GMPR: variants seen among roughly 807,000 people sequenced by gnomAD.
GMPR encodes guanosine monophosphate reductase, also known as GMP reductase 1.
In GMPR, 31 loss-of-function variants were observed where a neutral mutation model predicts 38.4. The ratio of observed to expected loss-of-function variants is 0.81; its 90% CI spans 0.61 to 1.09. GMPR has a LOEUF of 1.09. Among genes scored for constraint, GMPR ranks in the 50% least tolerant of loss-of-function variants. GMPR has a pLI of 0.00. For synonymous variants in GMPR, 162 were observed against 173.3 expected, an observed-to-expected ratio of 0.93 and a Z score of 0.51; for missense variants, 468 against 453.7, an observed-to-expected ratio of 1.03 and a Z score of -0.29.
intron 7 of GMPR, 170 bp from the exon 8 acceptor site, chr6:16,290,292 G>A (rs539099935): frequency 7.4e-6 from 5 of 675,162 alleles, no homozygotes; most frequent in South Asian, 7.1e-5. Flanking sequence ...CTGCATGGAA[G>A]CCTTCTCCCT....
chr6:16,271,362 T>C (rs1419845289), intron 4 of GMPR, among the ~76,000 whole-genome samples: 1 of 152,190 alleles, frequency 6.6e-6, no homozygotes, highest in African/African-American at 2.4e-5. Context: ...GGCACATACC[T>C]GTAATCCCAG....
chr6:16,269,821 A>C (rs577481955), intron 4 of GMPR, among the ~76,000 whole-genome samples: 7 of 152,252 alleles, frequency 4.6e-5, no homozygotes, highest in African/African-American at 1.7e-4. Flanking sequence ...AAATAATACA[A>C]ATCAGAAGTT....
intron 4 of GMPR, among the ~76,000 whole-genome samples, chr6:16,270,448 T>C (rs537968953): frequency 6.6e-6 from 1 of 152,234 alleles, no homozygotes; most frequent in East Asian, 1.9e-4. Flanking sequence ...ACACCCAAGG[T>C]GCTTCATGAC....
rs148965306 is a variant in GMPR, at chr6:16,265,767, A to C, written c.466-8648A>C. On this transcript the variant is annotated intron_variant, in intron 4 of 8. Transcript: ENST00000259727. ...GATGTGGGCGGGGCCAAATAAGGGA[A>C]TAAAAGCTGGCTGCTGGAGCCAGCC... Among the ~76,000 whole-genome samples the C allele has an allele frequency of 2.0e-3, 312 of 152,332 alleles. 1 individual carries two copies. Among genetic ancestry groups the C allele is most frequent in the Non-Finnish European group, 2.4e-3 (166 of 68,024 alleles).
At position 16,295,248 on chromosome 6, in the gene GMPR, C is replaced by T. The variant is rs1759914950; in HGVS notation, c.*62C>T. On this transcript the variant is annotated 3_prime_UTR_variant, in exon 9 of 9. Coordinates refer to ENST00000259727, the MANE Select transcript of GMPR (RefSeq NM_006877.4). ...CGTCCAAACCTGCTTTTCCCATCTCCCCCCAAGTCTGTTCCGTCAGAGCTT... is the reference window on the plus strand; with the variant it reads ...CGTCCAAACCTGCTTTTCCCATCTCTCCCCAAGTCTGTTCCGTCAGAGCTT... 7 of 1,253,294 alleles carry T rather than the reference C, an allele frequency of 5.6e-6. No individual in the cohort carries two copies. Among genetic ancestry groups the T allele is most frequent in the Non-Finnish European group, 7.5e-6 (7 of 929,670 alleles). 77.6% of individuals were successfully genotyped at this position (1,253,294 alleles called of 1,614,324 possible).
rs184443310 is a variant in GMPR at position 16,264,378 on chromosome 6, G to A, written c.465+9643G>A. ...TGGTGAGATGTTTCTTGGGCTGGTC[G>A]GTCCGAGGACCTGAGGTCGTAGGTG... On this transcript the variant is annotated intron_variant, in intron 4 of 8. Transcript: ENST00000259727. 3.3e-4 allele frequency: 84 copies of A among 254,100 alleles called. 1 individual carries two copies. The East Asian group carries it at 9.3e-3, about 28-fold the overall frequency. 15.7% of individuals were successfully genotyped at this position (254,100 alleles called of 1,614,324 possible).
chr6:16,267,834 T>A (rs1759293392), intron 4 of GMPR, among the ~76,000 whole-genome samples: 1 of 152,158 alleles, frequency 6.6e-6, no homozygotes. Flanking sequence ...TCTACTCCCC[T>A]GGGGCAATGC....
intron 6 of GMPR, among the ~76,000 whole-genome samples, chr6:16,282,578 C>T (rs1015708939): frequency 1.3e-5 from 2 of 152,156 alleles, no homozygotes; most frequent in Admixed American, 6.5e-5. Flanking sequence ...TCCACCGTCC[C>T]CGCCGTCTAC....
At chr6:16,250,570 T>G (rs1210991751) in intron 3 of GMPR, among the ~76,000 whole-genome samples, 1 of 152,234 alleles carries the variant, frequency 6.6e-6, no homozygotes, top group African/African-American at 2.4e-5. Context: ...GTAAGAAATG[T>G]CTGTTTTCCC....
At chr6:16,288,699 G>A (rs889749514) in intron 7 of GMPR, among the ~76,000 whole-genome samples, 1 of 152,202 alleles carries the variant, frequency 6.6e-6, no homozygotes. Context: ...GGATCCACTG[G>A]ATGAAGCCAG....
chr6:16,264,341 C>T (rs1344245134), intron 4 of GMPR: 4 of 243,198 alleles, frequency 1.6e-5, no homozygotes, highest in East Asian at 1.6e-4. Flanking sequence ...GGCCGCTTAC[C>T]GGATTTGAAA....
At chr6:16,266,244 A>G (rs1759218076) in intron 4 of GMPR, among the ~76,000 whole-genome samples, 1 of 151,954 alleles carries the variant, frequency 6.6e-6, no homozygotes, top group East Asian at 1.9e-4. Context: ...CACCACCTTT[A>G]AGAGCTGTAA....
At chr6:16,284,968 G>A (rs1420345884) in intron 6 of GMPR, among the ~76,000 whole-genome samples, 3 of 143,898 alleles carry the variant, frequency 2.1e-5, no homozygotes, top group Admixed American at 7.2e-5. Flanking sequence ...GCAGTGAGCC[G>A]AGATCACGCC....
intron 4 of GMPR, 97 bp from the exon 5 acceptor site, chr6:16,274,318 T>G: frequency 2.5e-6 from 2 of 803,412 alleles, no homozygotes; most frequent in Non-Finnish European, 4.3e-6. Flanking sequence ...CCTGGTGGCT[T>G]TAGGACATGC....
Position 16,290,580 on chromosome 6 carries a change from C to T in GMPR, c.816C>T (p.Asp272=). 1 of 1,614,162 alleles carries T rather than the reference C, an allele frequency of 6.2e-7. No individual in the cohort carries two copies. The highest frequency in any genetic ancestry group is 8.5e-7 in the Non-Finnish European group (1 of 1,180,030). Residue 272 remains aspartate (D), a synonymous_variant, in exon 8 of 9, where the codon GAC becomes GAT. Coordinates refer to ENST00000259727, the MANE Select transcript of GMPR (RefSeq NM_006877.4). The stretch of plus-strand genomic sequence containing the variant: ...AGCTCTTCTACGGGATGAGCTCTGA[C>T]ACCGCCATGAACAAGCACGCAGGAG... ...KLKLFYGMSS[D]TAMNKHAGGV...
In GMPR at chr6:16,295,069, T is replaced by C; in HGVS notation, c.921T>C (p.Asp307=). The change falls in exon 9 of 9, where the codon GAT becomes GAC. Residue 307 remains aspartate (D), a synonymous_variant. Coordinates refer to ENST00000259727, the MANE Select transcript of GMPR (RefSeq NM_006877.4). ...GAGATGTGGAAAACACTATCCTGGA[T>C]ATTCTCGGGGGACTGAGGTCCACGT... ...YKGDVENTIL[D]ILGGLRSTCT... 2 of 1,606,240 alleles carry C rather than the reference T, an allele frequency of 1.2e-6. No homozygotes were observed. The highest frequency in any genetic ancestry group is 1.4e-5 in the African/African-American group (1 of 73,954).
At chr6:16,284,925 A>G (rs1759646139) in intron 6 of GMPR, among the ~76,000 whole-genome samples, 1 of 148,812 alleles carries the variant, frequency 6.7e-6, no homozygotes, top group Non-Finnish European at 1.5e-5. Flanking sequence ...AGGCTGAGGC[A>G]GGAGAATTGC....
intron 1 of GMPR, among the ~76,000 whole-genome samples, chr6:16,243,224 G>A (rs936175884): frequency 3.9e-5 from 6 of 152,220 alleles, no homozygotes; most frequent in Non-Finnish European, 8.8e-5. Context: ...GCACAAAGGT[G>A]GTGATTCATG....
chr6:16,275,663 A>G lies in GMPR; in HGVS notation c.547+1167A>G, dbSNP rs144079808. ...TTTCCAGGCTGCCTCCTCTTAGGGC[A>G]GGCTGTAATAGACAGACTGATAATA... On this transcript the variant is annotated intron_variant, in intron 5 of 8. Coordinates refer to ENST00000259727, the MANE Select transcript of GMPR (RefSeq NM_006877.4). Among the ~76,000 whole-genome samples the G allele has an allele frequency of 5.6e-3, 854 of 152,356 alleles. 10 individuals carry two copies. Among genetic ancestry groups the G allele is most frequent in the African/African-American group, 0.019 (808 of 41,582 alleles).
Sources: gnomAD v4.1 joint callset for allele counts (sites outside exome capture counted in the v4.1 genomes callset) on GRCh38, gnomAD v4.1.1 for gene constraint, MANE v1.5 for transcripts, NCBI Gene and HGNC (gene_info 2026-07-23, HGNC 2026-07-21) for gene names.